TESK2: variants seen among roughly 807,000 people sequenced by gnomAD.
TESK2 encodes dual specificity testis-specific protein kinase 2.
TESK2 carries 39 observed loss-of-function variants against 57.1 expected under a neutral mutation model. That is an observed-to-expected ratio of 0.68 (90% CI 0.53 to 0.89). The LOEUF (loss-of-function observed/expected upper bound fraction) is 0.89. Among genes scored for constraint, TESK2 ranks in the 40% least tolerant of loss-of-function variants. The pLI is 0.00. For missense variants in TESK2, 646 were observed against 732.1 expected (o/e 0.88, Z 1.36); for synonymous variants, 249 against 267.9 (o/e 0.93, Z 0.69).
At chr1:45,404,436 T>G (rs867889359) in intron 3 of TESK2, among the ~76,000 whole-genome samples, 3 of 152,198 alleles carry the variant, frequency 2.0e-5, no homozygotes, top group Middle Eastern at 3.2e-3. Flanking sequence ...ATGTATAACA[T>G]TTACTGAGCA....
chr1:45,469,291 A>C (rs1249125871), intron 1 of TESK2, among the ~76,000 whole-genome samples: 1 of 152,222 alleles, frequency 6.6e-6, no homozygotes, highest in African/African-American at 2.4e-5. Flanking sequence ...CTCTCAGACC[A>C]CACTCCTGTC....
intron 3 of TESK2, among the ~76,000 whole-genome samples, chr1:45,399,188 GC>G (rs1279362775): frequency 1.1e-5 from 1 of 90,444 alleles, no homozygotes; most frequent in Admixed American, 1.7e-4. Context: ...TCCATCTTTT[GC>G]CCAGGCTGGA....
intron 2 of TESK2, among the ~76,000 whole-genome samples, chr1:45,438,676 T>C (rs1414348204): frequency 6.6e-6 from 1 of 152,162 alleles, no homozygotes; most frequent in Non-Finnish European, 1.5e-5. Flanking sequence ...TTATTTTCCC[T>C]GATCCTCTCC....
intron 2 of TESK2, among the ~76,000 whole-genome samples, chr1:45,445,771 G>A (rs1651620764): frequency 1.3e-5 from 2 of 151,898 alleles, no homozygotes; most frequent in Non-Finnish European, 1.5e-5. Flanking sequence ...CTGCAAACTA[G>A]GTGACAGAGC....
chr1:45,461,196 A>G (rs1652316918), intron 1 of TESK2, among the ~76,000 whole-genome samples: 2 of 151,634 alleles, frequency 1.3e-5, no homozygotes, highest in Admixed American at 1.3e-4. Context: ...TTTTAAAAGC[A>G]TTTCCTCATT....
At chr1:45,369,769 C>T (rs1157107686) in intron 4 of TESK2, among the ~76,000 whole-genome samples, 1 of 150,484 alleles carries the variant, frequency 6.6e-6, no homozygotes, top group Non-Finnish European at 1.5e-5. Flanking sequence ...TGGAGTGCAG[C>T]GGTACAATCT....
chr1:45,375,067 G>GT (rs1255336046), intron 4 of TESK2, among the ~76,000 whole-genome samples: 1 of 152,086 alleles, frequency 6.6e-6, no homozygotes. Context: ...AGACTTTATT[G>GT]TAACAGTCTC....
chr1:45,450,191 T>C (rs1651814546), intron 2 of TESK2, among the ~76,000 whole-genome samples: 1 of 152,190 alleles, frequency 6.6e-6, no homozygotes, highest in Non-Finnish European at 1.5e-5. Flanking sequence ...AAAAGTTCTA[T>C]AGCAGAATAT....
In TESK2 at chr1:45,463,767, T is replaced by C. The variant is rs559491765; in HGVS notation, c.-86-5896A>G. ...ACCCAGCTAATTTTTGTACTTTTTT[T>C]TTGTAGAGACAAGGTTTTGCCAAGT... On this transcript the variant is annotated intron_variant, in intron 1 of 10. Coordinates refer to ENST00000372086, the MANE Select transcript of TESK2 (RefSeq NM_007170.3). Among the ~76,000 whole-genome samples the C allele has an allele frequency of 2.0e-5, 3 of 152,192 alleles. No homozygotes were observed. The East Asian group carries it at 5.8e-4, about 29-fold the overall frequency.
At chr1:45,389,582 A>G (rs1323482139) in intron 3 of TESK2, among the ~76,000 whole-genome samples, 1 of 152,210 alleles carries the variant, frequency 6.6e-6, no homozygotes, top group Non-Finnish European at 1.5e-5. Flanking sequence ...TGTAAGAAAT[A>G]GTTTCCTTTT....
intron 3 of TESK2, among the ~76,000 whole-genome samples, chr1:45,397,964 G>GT (rs1243164710): frequency 6.6e-6 from 1 of 152,140 alleles, no homozygotes; most frequent in African/African-American, 2.4e-5. Flanking sequence ...CTGGAGTGCA[G>GT]TGGCGTGATC....
At chr1:45,354,786 CAAAAAAAAAA>C (rs869075485) in intron 5 of TESK2, among the ~76,000 whole-genome samples, 2 of 43,324 alleles carry the variant, frequency 4.6e-5, no homozygotes, top group East Asian at 7.3e-4. Context: ...GAGACCGTCT[CAAAAAAAAAA>C]AAAAAAAAAA....
At chr1:45,417,902 TTAG>T (rs1192647006) in intron 3 of TESK2, among the ~76,000 whole-genome samples, 1 of 152,204 alleles carries the variant, frequency 6.6e-6, no homozygotes, top group African/African-American at 2.4e-5. Flanking sequence ...ACATTTTCTT[TTAG>T]TAGTTTTACA....
intron 3 of TESK2, among the ~76,000 whole-genome samples, chr1:45,397,031 CG>C (rs1334977026): frequency 6.6e-6 from 1 of 151,678 alleles, no homozygotes; most frequent in Non-Finnish European, 1.5e-5. Flanking sequence ...GTTGGCCAGG[CG>C]GGTCTCAAAC....
intron 2 of TESK2, among the ~76,000 whole-genome samples, chr1:45,432,608 G>A (rs996356011): frequency 6.6e-6 from 1 of 150,420 alleles, no homozygotes; most frequent in Non-Finnish European, 1.5e-5. Context: ...GGAGAATGGC[G>A]TGAACTGGGG....
chr1:45,384,626 T>G (rs1475410991), intron 4 of TESK2, among the ~76,000 whole-genome samples: 4 of 143,662 alleles, frequency 2.8e-5, no homozygotes, highest in Non-Finnish European at 4.5e-5. Context: ...TTTTTTTTTT[T>G]GTAGAGACAG....
chr1:45,457,604 C>T lies in TESK2; in HGVS notation c.182G>A (p.Cys61Tyr). 1.2e-6 allele frequency: 2 copies of T among 1,614,078 alleles called. No homozygotes were observed. Among genetic ancestry groups the T allele is most frequent in the Non-Finnish European group, 8.5e-7 (1 of 1,180,004 alleles). The change falls in exon 2 of 11, where the codon TGT becomes TAT. Residue 61 changes from cysteine to tyrosine, a missense_variant. Physicochemically the swap from Cys to Tyr is radical, Grantham distance 194 (BLOSUM62 -2). Transcript: ENST00000372086. Reference protein sequence around the residue: ...SRLTRLDDFTCEKIGSGFFSE... With the variant: ...SRLTRLDDFTYEKIGSGFFSE... ...AAAGAAGCCAGACCCTATTTTTTCA[C>T]AGGTGAAATCATCCAAACGCGTCAG...
At chr1:45,360,161 C>A (rs1647619512) in intron 4 of TESK2, among the ~76,000 whole-genome samples, 1 of 152,182 alleles carries the variant, frequency 6.6e-6, no homozygotes, top group Admixed American at 6.5e-5. Context: ...CAGCGCCTTG[C>A]TCTCTTCATT....
chr1:45,463,188 C>T (rs1652404737), intron 1 of TESK2, among the ~76,000 whole-genome samples: 1 of 152,124 alleles, frequency 6.6e-6, no homozygotes, highest in Non-Finnish European at 1.5e-5. Flanking sequence ...TGAGTTGTCT[C>T]TTCACTTTGT....
Sources: allele counts gnomAD v4.1 joint callset (sites outside exome capture counted in the v4.1 genomes callset), GRCh38; gene constraint gnomAD v4.1.1; transcripts MANE v1.5; gene names NCBI Gene and HGNC (gene_info 2026-07-23, HGNC 2026-07-21).